CGREF1: variants seen among roughly 807,000 people sequenced by gnomAD.
The protein encoded by CGREF1 is cell growth regulator with EF-hand domain 1, also known as cell growth regulator with EF hand domain protein 1.
A neutral mutation model predicts 17.4 loss-of-function variants in CGREF1; 16 were observed. The ratio of observed to expected loss-of-function variants is 0.92; its 90% CI spans 0.62 to 1.40. The LOEUF is 1.40. CGREF1 is among the 40% of genes most tolerant of loss of function. The probability of loss-of-function intolerance (pLI) is 0.00; values close to 1 mark genes in which losing one functional copy is unlikely to be tolerated. For synonymous variants in CGREF1, 142 were observed against 154.6 expected, an observed-to-expected ratio of 0.92 and a Z score of 0.61; for missense variants, 296 against 376.4, an observed-to-expected ratio of 0.79 and a Z score of 1.77.
intron 2 of CGREF1, chr2:27,103,192 G>GCTCT: frequency 9.5e-6 from 8 of 838,660 alleles, no homozygotes; most frequent in Non-Finnish European, 1.1e-5. Flanking sequence ...ATGCCAGAGA[G>GCTCT]CTGGCAGGAG....
At chr2:27,115,893 G>A (rs1258428832) in intron 1 of CGREF1, among the ~76,000 whole-genome samples, 1 of 152,124 alleles carries the variant, frequency 6.6e-6, no homozygotes, top group Non-Finnish European at 1.5e-5. Flanking sequence ...GACAACCTTA[G>A]CATTCGGTTA....
In CGREF1 at chr2:27,101,302, ATG is replaced by A; in HGVS notation, c.927_928del (p.Ile310CysfsTer6). The A allele has an allele frequency of 1.3e-6, 2 of 1,576,602 alleles. No homozygotes were observed. The highest frequency in any genetic ancestry group is 1.7e-6 in the Non-Finnish European group (2 of 1,160,942). ...GATCTCATCATTCTCCACTTGAACA[ATG>A]TGCACCTCAAAGTCATTTTGGGTGT... On this transcript the variant is annotated frameshift_variant, in exon 6 of 6. Transcript: ENST00000402394. LOFTEE classifies it high-confidence loss of function.
At chr2:27,113,698 C>T (rs1181301920) in intron 1 of CGREF1, among the ~76,000 whole-genome samples, 4 of 152,142 alleles carry the variant, frequency 2.6e-5, no homozygotes, top group Non-Finnish European at 4.4e-5. Flanking sequence ...GCGGGGCTGA[C>T]GAGAGCACCT....
At chr2:27,117,816 CTCCATT>C (rs1671640923) in intron 1 of CGREF1, among the ~76,000 whole-genome samples, 1 of 151,168 alleles carries the variant, frequency 6.6e-6, no homozygotes, top group Non-Finnish European at 1.5e-5. Context: ...TCACGCCATT[CTCCATT>C]CTCCTGCCTC....
In CGREF1 at chr2:27,100,626, A is replaced by G. The variant is rs532709628; in HGVS notation, c.*648T>C. 12 of 1,173,112 alleles carry G rather than the reference A, an allele frequency of 1.0e-5. No individual in the cohort carries two copies. In the South Asian group the frequency reaches 1.3e-4, roughly 13 times the overall value. 72.7% of individuals were successfully genotyped at this position (1,173,112 alleles called of 1,614,324 possible). A position where few individuals can be genotyped will look rare whatever the true frequency, so the allele number is the denominator to read the frequency against. On this transcript the variant is annotated 3_prime_UTR_variant, in exon 6 of 6. Transcript: ENST00000402394. ...AAATCTGCCATTTAATTAGCTGCAT[A>G]TCACCTTAGGGTACAGCACTTAACG...
intron 2 of CGREF1, 104 bp downstream of exon 2, chr2:27,104,183 C>G (rs1001369137): frequency 2.5e-6 from 3 of 1,176,800 alleles, no homozygotes; most frequent in Admixed American, 2.8e-5. Context: ...ATCGGGGAAC[C>G]TACACCCCAG....
At chr2:27,118,150 G>A (rs1248495052) in intron 1 of CGREF1, among the ~76,000 whole-genome samples, 1 of 152,190 alleles carries the variant, frequency 6.6e-6, no homozygotes, top group Non-Finnish European at 1.5e-5. Context: ...CCTCTGGGCT[G>A]TGGCAGGGGC....
chr2:27,113,565 T>C (rs1671466192), intron 1 of CGREF1, among the ~76,000 whole-genome samples: 1 of 152,092 alleles, frequency 6.6e-6, no homozygotes, highest in African/African-American at 2.4e-5. Flanking sequence ...TGCTATGGAA[T>C]AGGTGGTACG....
chr2:27,115,809 A>G (rs1340012998), intron 1 of CGREF1, among the ~76,000 whole-genome samples: 1 of 152,188 alleles, frequency 6.6e-6, no homozygotes, highest in Non-Finnish European at 1.5e-5. Flanking sequence ...CTCCTAAAAT[A>G]CTTTCCACTT....
At position 27,104,317 on chromosome 2, in the gene CGREF1, C is replaced by T; in HGVS notation, c.50G>A (p.Gly17Asp). The change falls in exon 2 of 6, where the codon GGT becomes GAT. Residue 17 changes from glycine (G) to aspartate (D), a missense_variant. By Grantham distance (94) the Gly-to-Asp change is moderately conservative. Coordinates refer to ENST00000402394, the MANE Select transcript of CGREF1 (RefSeq NM_006569.6). ...GACTCCATCCTTTGGGGCAGCCTGA[C>T]CCGTGGGGAGCAGCAGCAGGATTAA... The part of the protein sequence containing the change: ...TVLILLLLPT[G>D]QAAPKDGVTR... 6.3e-7 allele frequency: 1 copy of T among 1,582,738 alleles called. No individual in the cohort carries two copies. Among genetic ancestry groups the T allele is most frequent in the Non-Finnish European group, 8.6e-7 (1 of 1,163,256 alleles).
intron 1 of CGREF1, among the ~76,000 whole-genome samples, chr2:27,108,952 T>A (rs535741932): frequency 6.6e-6 from 1 of 152,142 alleles, no homozygotes; most frequent in Non-Finnish European, 1.5e-5. Flanking sequence ...CCAGCTTTTT[T>A]TTTTTGGTAG....
In CGREF1 at chr2:27,101,283, A is replaced by T; in HGVS notation, c.948T>A (p.Asp316Glu). The T allele has an allele frequency of 6.4e-7, 1 of 1,555,512 alleles. No individual in the cohort carries two copies. The highest frequency in any genetic ancestry group is 1.2e-5 in the South Asian group (1 of 81,280). The change falls in exon 6 of 6, where the codon GAT becomes GAA. Residue 316 changes from aspartate (D) to glutamate (E), a missense_variant. Physicochemically the swap from Asp to Glu is conservative, Grantham distance 45 (BLOSUM62 2). Around this residue, in one of 3 missense-constraint regions of CGREF1, gnomAD observed 40 missense variants for 40.8 expected, o/e 0.98. Coordinates refer to ENST00000402394, the MANE Select transcript of CGREF1 (RefSeq NM_006569.6). ...FEVHIVQVEN[D>E]EI Reference sequence around the variant, plus strand: ...CCTGTATCTTCAAGATCTAGATCTCATCATTCTCCACTTGAACAATGTGCA... The same window carrying T: ...CCTGTATCTTCAAGATCTAGATCTCTTCATTCTCCACTTGAACAATGTGCA...
intron 1 of CGREF1, among the ~76,000 whole-genome samples, chr2:27,116,871 T>TTCCCTCTCTCTCTCTC (rs1416671829): frequency 8.9e-5 from 3 of 33,680 alleles, no homozygotes; most frequent in Non-Finnish European, 1.2e-4. Flanking sequence ...GCCAGGCCTA[T>TTCCCTCTCTCTCTCTC]TCTCTCTCTC....
intron 1 of CGREF1, among the ~76,000 whole-genome samples, chr2:27,110,134 G>A (rs758993824): frequency 1.3e-5 from 2 of 152,032 alleles, no homozygotes; most frequent in African/African-American, 4.8e-5. Context: ...GAGGTGGGAG[G>A]ATCACTTGAG....
chr2:27,118,335 C>T (rs917991519), intron 1 of CGREF1, among the ~76,000 whole-genome samples: 1 of 152,160 alleles, frequency 6.6e-6, no homozygotes, highest in African/African-American at 2.4e-5. Context: ...TGAGTAGAAT[C>T]CTCTCCCTTA....
intron 1 of CGREF1, among the ~76,000 whole-genome samples, chr2:27,117,798 T>C (rs1278956076): frequency 1.4e-5 from 2 of 144,284 alleles, no homozygotes; most frequent in Non-Finnish European, 3.0e-5. Flanking sequence ...AAGCTCCGCC[T>C]CCCGGGTTCA....
chr2:27,107,930 T>A, intron 1 of CGREF1, among the ~76,000 whole-genome samples: 1 of 77,274 alleles, frequency 1.3e-5, no homozygotes. Flanking sequence ...CGAGACTCTG[T>A]CTCAAAAAAA....
At position 27,113,729 on chromosome 2, in the gene CGREF1, G is replaced by T. The variant is rs1671474101; in HGVS notation, c.-12+5117C>A. ...CACCTCTGGCAGGGCTGTGGTGAGG[G>T]TTTAATTAATGAGACAAGATGTGTA... On this transcript the variant is annotated intron_variant, in intron 1 of 5. Transcript: ENST00000402394. Among the ~76,000 whole-genome samples, 7 of 152,106 alleles carry T rather than the reference G, an allele frequency of 4.6e-5. No individual in the cohort carries two copies. In the South Asian group the frequency reaches 1.4e-3, roughly 32 times the overall value.
chr2:27,102,758 A>G (rs1481583972), intron 2 of CGREF1, among the ~76,000 whole-genome samples, 167 bp from the exon 3 acceptor site: 1 of 152,212 alleles, frequency 6.6e-6, no homozygotes, highest in East Asian at 1.9e-4. Context: ...TCTCCTTGGA[A>G]CCAAATCCTT....
Sources: allele counts gnomAD v4.1 joint callset (sites outside exome capture counted in the v4.1 genomes callset), GRCh38; gene constraint gnomAD v4.1.1; regional missense constraint gnomAD v4.1.1; transcripts MANE v1.5; gene names NCBI Gene and HGNC (gene_info 2026-07-23, HGNC 2026-07-21).